KALRN: variants seen among roughly 807,000 people sequenced by gnomAD.
KALRN encodes the protein kalirin RhoGEF kinase, also known as kalirin.
Under a neutral mutation model 353.7 loss-of-function variants are expected in KALRN, and 70 were observed. The observed-to-expected ratio is 0.20, with a 90% CI of 0.16 to 0.24. The LOEUF (loss-of-function observed/expected upper bound fraction) is 0.24. KALRN is among the 10% of genes least tolerant of loss of function. KALRN has a pLI of 1.00. For missense variants in KALRN, 2,791 were observed against 3,756.7 expected (o/e 0.74, Z 6.72); for synonymous variants, 1,391 against 1,434.8 (o/e 0.97, Z 0.69).
chr3:124,293,509 A>G (rs1459782915), intron 5 of KALRN, among the ~76,000 whole-genome samples: 1 of 152,180 alleles, frequency 6.6e-6, no homozygotes, highest in African/African-American at 2.4e-5. Context: ...CCTAATTTGC[A>G]TTTAAGTAGA....
intron 21 of KALRN, among the ~76,000 whole-genome samples, chr3:124,451,139 A>G (rs1354071970): frequency 6.6e-6 from 1 of 152,158 alleles, no homozygotes; most frequent in Non-Finnish European, 1.5e-5. Context: ...TACTATCAAG[A>G]AGACAAAATC....
At chr3:124,460,755 A>G (rs1028089840) in intron 23 of KALRN, among the ~76,000 whole-genome samples, 1 of 152,088 alleles carries the variant, frequency 6.6e-6, no homozygotes, top group African/African-American at 2.4e-5. Context: ...TGCACTTTTT[A>G]CTCTACCAAT....
chr3:124,654,111 A>G (rs1290245582), intron 38 of KALRN, among the ~76,000 whole-genome samples: 6 of 152,198 alleles, frequency 3.9e-5, no homozygotes, highest in Admixed American at 2.0e-4. Flanking sequence ...CCAGCCCCAT[A>G]TTCCCACTCT....
intron 1 of KALRN, among the ~76,000 whole-genome samples, chr3:124,143,216 G>A (rs1210007988): frequency 1.3e-5 from 2 of 151,896 alleles, no homozygotes; most frequent in African/African-American, 4.8e-5. Context: ...CTTTCTTTCC[G>A]CAGCCACCAA....
chr3:124,126,444 C>T (rs2064683712), intron 1 of KALRN, among the ~76,000 whole-genome samples: 1 of 152,172 alleles, frequency 6.6e-6, no homozygotes, highest in South Asian at 2.1e-4. Flanking sequence ...CCCCACCACT[C>T]CTGCATCTTG....
chr3:124,615,627 C>G (rs2078498865), intron 34 of KALRN, among the ~76,000 whole-genome samples: 1 of 152,180 alleles, frequency 6.6e-6, no homozygotes, highest in African/African-American at 2.4e-5. Flanking sequence ...TGTAACCTTT[C>G]TCTAAATCTG....
chr3:124,298,988 C>T, intron 6 of KALRN, 75 bp downstream of exon 6: 2 of 1,576,090 alleles, frequency 1.3e-6, no homozygotes, highest in East Asian at 2.2e-5. Context: ...GGGACAGAAA[C>T]AGACTTTCCA....
intron 1 of KALRN, chr3:124,095,880 G>A (rs998744240): frequency 2.0e-5 from 3 of 152,140 alleles, no homozygotes; most frequent in Non-Finnish European, 4.4e-5. Flanking sequence ...AGCCCAAGGT[G>A]TATTCATCTC....
intron 14 of KALRN, among the ~76,000 whole-genome samples, chr3:124,421,202 G>T (rs888258782): frequency 3.9e-5 from 6 of 152,176 alleles, no homozygotes; most frequent in African/African-American, 1.4e-4. Flanking sequence ...GTAGTTCAGA[G>T]TTAGGATTTT....
At position 124,317,812 on chromosome 3, in the gene KALRN, T is replaced by G. The variant is rs145195896; in HGVS notation, c.1093-8168T>G. On this transcript the variant is annotated intron_variant, in intron 6 of 59. Coordinates refer to ENST00000682506, the MANE Select transcript of KALRN (RefSeq NM_001388419.1). ...TCCCGGAAGTCTTAGAGGCTCTAAT[T>G]TCAACCTTAAAGGTAGCCTAAAGTT... 7.4e-3 allele frequency among the ~76,000 whole-genome samples: 1,127 copies of G among 151,854 alleles called. 20 individuals are homozygous for G. The highest frequency in any genetic ancestry group is 0.026 in the African/African-American group (1,079 of 41,426).
intron 1 of KALRN, among the ~76,000 whole-genome samples, chr3:124,054,801 C>A (rs1293710162): frequency 2.0e-5 from 3 of 152,186 alleles, no homozygotes; most frequent in Non-Finnish European, 4.4e-5. Context: ...GTTATATATT[C>A]TTTTCCTGAA....
chr3:124,230,318 C>G (rs186188750), intron 2 of KALRN, among the ~76,000 whole-genome samples: 7 of 152,322 alleles, frequency 4.6e-5, no homozygotes, highest in African/African-American at 1.4e-4. Context: ...TGAGCCTTTC[C>G]TCTCCTTCCA....
At chr3:124,600,446 G>A (rs1363042244) in intron 34 of KALRN, among the ~76,000 whole-genome samples, 4 of 152,164 alleles carry the variant, frequency 2.6e-5, no homozygotes, top group Non-Finnish European at 5.9e-5. Flanking sequence ...TGTATCAATG[G>A]GTACGTATTT....
intron 6 of KALRN, among the ~76,000 whole-genome samples, chr3:124,309,780 C>T (rs1006904369): frequency 1.6e-4 from 25 of 152,050 alleles, no homozygotes; most frequent in African/African-American, 5.1e-4. Flanking sequence ...TAGAAGATAA[C>T]TTCCTCAACC....
chr3:124,341,816 G>A (rs1310898896), intron 9 of KALRN, among the ~76,000 whole-genome samples: 5 of 152,182 alleles, frequency 3.3e-5, no homozygotes, highest in African/African-American at 1.2e-4. Flanking sequence ...ACCCACTCCA[G>A]CCTGAATGGG....
intron 33 of KALRN, among the ~76,000 whole-genome samples, chr3:124,551,714 C>T (rs1385339290): frequency 3.9e-5 from 6 of 152,198 alleles, no homozygotes; most frequent in African/African-American, 1.4e-4. Context: ...GGACCCCATT[C>T]CCCAACCCTG....
At chr3:124,484,796 C>G (rs1252244020) in intron 28 of KALRN, among the ~76,000 whole-genome samples, 2 of 152,208 alleles carry the variant, frequency 1.3e-5, no homozygotes, top group Non-Finnish European at 2.9e-5. Context: ...CCACTTGATG[C>G]TTGGCCTTTT....
chr3:124,478,158 G>A (rs985289903), intron 27 of KALRN, among the ~76,000 whole-genome samples: 1 of 152,164 alleles, frequency 6.6e-6, no homozygotes, highest in Non-Finnish European at 1.5e-5. Context: ...AGATGAAATT[G>A]GGGAAAAAGA....
chr3:124,354,056 A>G (rs2083118427), intron 10 of KALRN, among the ~76,000 whole-genome samples: 1 of 152,218 alleles, frequency 6.6e-6, no homozygotes, highest in African/African-American at 2.4e-5. Context: ...TTATGTGGAT[A>G]TGATGTAGAA....
Sources: gnomAD v4.1 joint callset for allele counts (sites outside exome capture counted in the v4.1 genomes callset) on GRCh38, gnomAD v4.1.1 for gene constraint, MANE v1.5 for transcripts, NCBI Gene and HGNC (gene_info 2026-07-23, HGNC 2026-07-21) for gene names.